Variants in LRRTM4 observed in about 807,000 individuals in gnomAD.
LRRTM4 encodes the protein leucine rich repeat transmembrane neuronal 4, also known as leucine-rich repeat transmembrane neuronal protein 4.
LRRTM4 carries 25 observed loss-of-function variants against 47.6 expected under a neutral mutation model. The observed-to-expected ratio is 0.53, with a 90% CI of 0.38 to 0.73. LRRTM4 has a LOEUF of 0.73. Ranked by LOEUF, LRRTM4 falls within the 30% of genes least tolerant of loss-of-function variation. The pLI, the probability that LRRTM4 is intolerant of heterozygous loss-of-function variation, is 0.00. For missense variants in LRRTM4, 638 were observed against 713.4 expected (o/e 0.89, Z 1.20); for synonymous variants, 311 against 269.5 (o/e 1.15, Z -1.51).
At chr2:77,074,463 C>T (rs562707459) in intron 3 of LRRTM4, among the ~76,000 whole-genome samples, 6 of 151,974 alleles carry the variant, frequency 3.9e-5, no homozygotes, top group Non-Finnish European at 7.4e-5. Context: ...TCCTCTACTG[C>T]TTGGAATTAT....
chr2:77,053,067 G>A (rs1436750490), intron 3 of LRRTM4, among the ~76,000 whole-genome samples: 1 of 152,022 alleles, frequency 6.6e-6, no homozygotes, highest in Non-Finnish European at 1.5e-5. Context: ...TGAAATTTGA[G>A]AGCGATAAAG....
At chr2:77,471,898 A>C (rs1339200493) in intron 3 of LRRTM4, among the ~76,000 whole-genome samples, 1 of 152,176 alleles carries the variant, frequency 6.6e-6, no homozygotes, top group Non-Finnish European at 1.5e-5. Flanking sequence ...TAAATTCTGT[A>C]TTTACAACTT....
At chr2:77,114,153 C>G (rs1364343142) in intron 3 of LRRTM4, among the ~76,000 whole-genome samples, 3 of 151,950 alleles carry the variant, frequency 2.0e-5, no homozygotes, top group African/African-American at 7.3e-5. Flanking sequence ...CAGGGGGTCA[C>G]GGGATTGCTA....
At chr2:76,942,176 T>G (rs1675167678) in intron 3 of LRRTM4, among the ~76,000 whole-genome samples, 1 of 152,174 alleles carries the variant, frequency 6.6e-6, no homozygotes, top group Admixed American at 6.5e-5. Context: ...TCTTGTAAAT[T>G]TGTTTAAGTT....
At chr2:76,841,527 G>T (rs1347748232) in intron 3 of LRRTM4, among the ~76,000 whole-genome samples, 1 of 151,790 alleles carries the variant, frequency 6.6e-6, no homozygotes, top group Non-Finnish European at 1.5e-5. Context: ...CACTGGGATG[G>T]GAAGGAAATT....
intron 3 of LRRTM4, among the ~76,000 whole-genome samples, chr2:77,263,512 T>C (rs918127693): frequency 2.0e-5 from 3 of 152,044 alleles, no homozygotes; most frequent in African/African-American, 7.2e-5. Context: ...TCTGACACTA[T>C]CTCCAGATGG....
At chr2:77,139,409 T>C (rs1480640081) in intron 3 of LRRTM4, among the ~76,000 whole-genome samples, 2 of 152,164 alleles carry the variant, frequency 1.3e-5, no homozygotes, top group Non-Finnish European at 2.9e-5. Context: ...AAAAGGACTT[T>C]GACAAAATTC....
At chr2:76,957,134 T>C (rs957006364) in intron 3 of LRRTM4, among the ~76,000 whole-genome samples, 4 of 151,702 alleles carry the variant, frequency 2.6e-5, no homozygotes, top group African/African-American at 9.7e-5. Flanking sequence ...TTTAAAGACA[T>C]TCTGTTAAGC....
chr2:77,292,650 G>A (rs1676858719), intron 3 of LRRTM4, among the ~76,000 whole-genome samples: 1 of 133,946 alleles, frequency 7.5e-6, no homozygotes, highest in Admixed American at 9.4e-5. Flanking sequence ...TGAACAATGA[G>A]AACACATGGA....
intron 3 of LRRTM4, among the ~76,000 whole-genome samples, chr2:76,781,697 C>A (rs1674403885): frequency 6.6e-6 from 1 of 152,254 alleles, no homozygotes; most frequent in South Asian, 2.1e-4. Context: ...GATGGAAATG[C>A]AGAAATCACC....
At chr2:77,041,979 T>A (rs1679050203) in intron 3 of LRRTM4, among the ~76,000 whole-genome samples, 1 of 150,298 alleles carries the variant, frequency 6.7e-6, no homozygotes, top group Admixed American at 6.7e-5. Flanking sequence ...ACTAAGGAGA[T>A]GTTCCAAATT....
intron 3 of LRRTM4, among the ~76,000 whole-genome samples, chr2:76,845,059 C>T (rs955633622): frequency 5.9e-5 from 9 of 152,200 alleles, no homozygotes; most frequent in Middle Eastern, 3.4e-3. Flanking sequence ...TTTCAGTTTG[C>T]TTTAATGCTG....
intron 3 of LRRTM4, among the ~76,000 whole-genome samples, chr2:76,858,247 C>A (rs1489560162): frequency 6.6e-6 from 1 of 152,074 alleles, no homozygotes; most frequent in African/African-American, 2.4e-5. Flanking sequence ...ATGGATAGGC[C>A]TCATCCAACC....
intron 3 of LRRTM4, among the ~76,000 whole-genome samples, chr2:77,424,132 G>A (rs575742941): frequency 5.4e-4 from 82 of 152,218 alleles, no homozygotes; most frequent in African/African-American, 1.8e-3. Context: ...AGGACTGAGA[G>A]GTCAGAATCT....
rs1038036305 is a variant in LRRTM4, at chr2:77,040,209, T to C, written c.1552-291293A>G. ...TAAATACTAATTAAAATATAATTGTTCTTCCCTTAACAAGACACATATATT... is the reference window on the plus strand; with the variant it reads ...TAAATACTAATTAAAATATAATTGTCCTTCCCTTAACAAGACACATATATT... On this transcript the variant is annotated intron_variant, in intron 3 of 3. Transcript: ENST00000409884. 2.6e-5 allele frequency among the ~76,000 whole-genome samples: 4 copies of C among 151,294 alleles called. No individual in the cohort carries two copies. In the South Asian group the frequency reaches 8.3e-4, roughly 31 times the overall value.
intron 3 of LRRTM4, among the ~76,000 whole-genome samples, chr2:76,776,502 T>C (rs1395602381): frequency 6.6e-6 from 1 of 152,160 alleles, no homozygotes. Flanking sequence ...ATTTCTCTGA[T>C]GGCCAGTGAT....
Position 77,505,049 on chromosome 2 carries a change from ACT to A in LRRTM4, c.1551+13267_1551+13268del, listed in dbSNP as rs369757516. Among the ~76,000 whole-genome samples, 157 of 151,412 alleles carry A rather than the reference ACT, an allele frequency of 1.0e-3. 3 individuals are homozygous for A. The East Asian group carries it at 0.021, about 21-fold the overall frequency. On this transcript the variant is annotated intron_variant, in intron 3 of 3. Transcript: ENST00000409884. The stretch of plus-strand genomic sequence containing the variant: ...AGAAAAAGATAAATTATTAAATATA[ACT>A]CAACTAATAAAGAACATAATATTAA...
chr2:77,216,315 T>G (rs1379414974), intron 3 of LRRTM4, among the ~76,000 whole-genome samples: 1 of 152,198 alleles, frequency 6.6e-6, no homozygotes, highest in Non-Finnish European at 1.5e-5. Flanking sequence ...ATATAGTGAT[T>G]CGAAGGCAAG....
intron 3 of LRRTM4, among the ~76,000 whole-genome samples, chr2:76,757,918 T>C (rs941798292): frequency 1.3e-5 from 2 of 152,160 alleles, no homozygotes; most frequent in African/African-American, 2.4e-5. Flanking sequence ...ATGTTTGTTT[T>C]AATCCCTTCT....
Sources: allele counts gnomAD v4.1 joint callset (sites outside exome capture counted in the v4.1 genomes callset), GRCh38; gene constraint gnomAD v4.1.1; transcripts MANE v1.5; gene names NCBI Gene and HGNC (gene_info 2026-07-23, HGNC 2026-07-21).